Variants in CDC6 observed in about 807,000 individuals in gnomAD.
CDC6 encodes the protein cell division cycle 6, also known as DNA replication factor CDC6.
CDC6 carries 46 observed loss-of-function variants against 60.2 expected under a neutral mutation model. That is an observed-to-expected ratio of 0.76 (90% confidence interval 0.60 to 0.98). The LOEUF (loss-of-function observed/expected upper bound fraction) is 0.98. Among genes scored for constraint, CDC6 ranks in the 50% least tolerant of loss-of-function variants. The pLI, the probability that CDC6 is intolerant of heterozygous loss-of-function variation, is 0.00. For missense variants in CDC6, 596 were observed against 652.9 expected, an observed-to-expected ratio of 0.91 and a Z score of 0.95; for synonymous variants, 210 against 233.2, an observed-to-expected ratio of 0.90 and a Z score of 0.90.
rs67162965 is a variant in CDC6 at position 40,299,138 on chromosome 17, C to CTTT, written c.1250-1664_1250-1662dup. Among the ~76,000 whole-genome samples, 130 of 60,786 alleles carry CTTT rather than the reference C, an allele frequency of 2.1e-3. 20 individuals carry two copies. Among genetic ancestry groups the CTTT allele is most frequent in the African/African-American group, 6.8e-3 (88 of 13,004 alleles). The allele number at this position is 60,786 out of a possible 152,430, so 39.9% of individuals were successfully genotyped here. A position where few individuals can be genotyped will look rare whatever the true frequency, so the allele number is the denominator to read the frequency against. On this transcript the variant is annotated intron_variant, in intron 9 of 11. Coordinates refer to ENST00000209728, the MANE Select transcript of CDC6 (RefSeq NM_001254.4). ...CATCTCCAAACGATAAGGCCATAGT[C>CTTT]TTTTTTTTTTTTTTTTTTTTTTTTT... is the stretch of plus-strand genomic sequence containing the variant.
intron 6 of CDC6, 125 bp downstream of exon 6, chr17:40,294,181 A>G: frequency 1.0e-6 from 1 of 962,504 alleles, no homozygotes; most frequent in Non-Finnish European, 1.7e-6. Context: ...AAGAAAGTTA[A>G]ATGACTATGT....
Position 40,291,618 on chromosome 17 carries a change from C to A in CDC6, c.610C>A (p.Pro204Thr). The A allele has an allele frequency of 1.9e-6, 3 of 1,614,192 alleles. No homozygotes were observed. The highest frequency in any genetic ancestry group is 2.5e-6 in the Non-Finnish European group (3 of 1,180,044). The change falls in exon 4 of 12, where the codon CCT (proline) becomes ACT (threonine). Residue 204 changes from proline to threonine, a missense_variant. By Grantham distance (38) the Pro-to-Thr change is conservative. Transcript: ENST00000209728. Reference protein sequence around the residue: ...KAGSLYLSGAPGTGKTACLSR... With the variant: ...KAGSLYLSGATGTGKTACLSR... The stretch of plus-strand genomic sequence containing the variant: ...TGGAAGCCTTTACCTTTCTGGTGCT[C>A]CTGGAACTGGAAAAACTGCCTGCTT...
rs1467111644 is a variant in CDC6, at chr17:40,287,974, G to C, written c.-130G>C. On this transcript the variant is annotated 5_prime_UTR_variant, in exon 1 of 12. Coordinates refer to ENST00000209728, the MANE Select transcript of CDC6 (RefSeq NM_001254.4). ...GGTGAGTCCGAGAGGCTGCGTGTGA[G>C]AGACGTGAGAAGGATCCTGCACTGA... The C allele has an allele frequency of 6.5e-6, 1 of 153,398 alleles. No homozygotes were observed. The highest frequency in any genetic ancestry group is 1.5e-5 in the Non-Finnish European group (1 of 68,448). The allele number at this position is 153,398 out of a possible 1,614,324, so 9.5% of individuals were successfully genotyped here. A position where few individuals can be genotyped will look rare whatever the true frequency, so the allele number is the denominator to read the frequency against.
At chr17:40,290,955 C>A in intron 2 of CDC6, 103 bp from the exon 3 acceptor site, 2 of 1,215,508 alleles carry the variant, frequency 1.6e-6, no homozygotes, top group Non-Finnish European at 2.4e-6. Flanking sequence ...GTGGTTCTGA[C>A]TAAGGTAGAA....
In CDC6 at chr17:40,300,891, T is replaced by C. The variant is rs2032930468; in HGVS notation, c.1313T>C (p.Ile438Thr). ...GGTCTTATTCACATATCCCAAGTCATCTCAGAAGTTGATGGTAACAGGATG... is the reference window on the plus strand; with the variant it reads ...GGTCTTATTCACATATCCCAAGTCACCTCAGAAGTTGATGGTAACAGGATG... Reference protein sequence around the residue: ...RVGLIHISQVISEVDGNRMTL... With the variant: ...RVGLIHISQVTSEVDGNRMTL... The change falls in exon 10 of 12, where the codon ATC (isoleucine) becomes ACC (threonine). Residue 438 changes from isoleucine (I) to threonine (T), a missense_variant. Physicochemically the swap from Ile to Thr is moderately conservative, Grantham distance 89. Transcript: ENST00000209728. 1 of 1,614,126 alleles carries C rather than the reference T, an allele frequency of 6.2e-7. No individual in the cohort carries two copies. Among genetic ancestry groups the C allele is most frequent in the Non-Finnish European group, 8.5e-7 (1 of 1,179,960 alleles).
chr17:40,291,546 G>C lies in CDC6; in HGVS notation c.538G>C (p.Asp180His), dbSNP rs1052267105. 1 of 1,614,108 alleles carries C rather than the reference G, an allele frequency of 6.2e-7. No homozygotes were observed. The highest frequency in any genetic ancestry group is 1.3e-5 in the African/African-American group (1 of 74,936). ...GCTGCCTGCCAGGGAAAGGGAGATG[G>C]ATGTCATCAGGAATTTCTTGAGGGA... is the stretch of plus-strand genomic sequence containing the variant. ...DRLPAREREM[D>H]VIRNFLREHI... The change falls in exon 4 of 12, where the codon GAT becomes CAT. Residue 180 changes from aspartate to histidine, a missense_variant. Coordinates refer to ENST00000209728, the MANE Select transcript of CDC6 (RefSeq NM_001254.4).
At chr17:40,299,445 G>GTGTGTTGTCCCCACTATGTGGCTA (rs2032907446) in intron 9 of CDC6, among the ~76,000 whole-genome samples, 1 of 151,954 alleles carries the variant, frequency 6.6e-6, no homozygotes, top group African/African-American at 2.4e-5. Context: ...AGGCCCCAGT[G>GTGTGTTGTCCCCACTATGTGGCTA]TGTGTTGTCC....
chr17:40,293,697 C>A, intron 5 of CDC6, 66 bp downstream of exon 5: 1 of 1,271,100 alleles, frequency 7.9e-7, no homozygotes, highest in Non-Finnish European at 1.2e-6. Flanking sequence ...ATAAAAAGTA[C>A]ATTTTGTATA....
rs994428419 is a variant in CDC6, at chr17:40,291,737, G to A, written c.660+69G>A. 37 of 1,408,752 alleles carry A rather than the reference G, an allele frequency of 2.6e-5. No homozygotes were observed. The African/African-American group carries it at 4.9e-4, about 19-fold the overall frequency. The allele number at this position is 1,408,752 out of a possible 1,614,324, so 87.3% of individuals were successfully genotyped here. A position where few individuals can be genotyped will look rare whatever the true frequency, so the allele number is the denominator to read the frequency against. ...CTTGGGTGTTTTTGTTTGTTTGTTT[G>A]TTTTGTTTTGTTTTGTTTTGTTTTT... On this transcript the variant is annotated intron_variant, in intron 4 of 11. Transcript: ENST00000209728.
intron 5 of CDC6, 62 bp from the exon 6 acceptor site, chr17:40,293,888 T>A (rs930441659): frequency 1.5e-6 from 2 of 1,374,086 alleles, no homozygotes; most frequent in Non-Finnish European, 2.1e-6. Context: ...GAAGTCAGCC[T>A]ATATCAAACA....
intron 4 of CDC6, 93 bp from the exon 5 acceptor site, chr17:40,293,363 C>G (rs1452271721): frequency 5.8e-6 from 5 of 866,546 alleles, no homozygotes; most frequent in Non-Finnish European, 9.8e-6. Flanking sequence ...AGCTTCCTTA[C>G]GTGCTGTTAG....
In CDC6 at chr17:40,289,409, T is replaced by C; in HGVS notation, c.-12T>C. On this transcript the variant is annotated splice_region_variant and 5_prime_UTR_variant, in exon 2 of 12. Transcript: ENST00000209728. ...GTCCTCTTATTTTTTTTAATCTAGC[T>C]GTGCTGTCGTCATGCCTCAAACCCG... is the stretch of plus-strand genomic sequence containing the variant. 1 of 1,613,258 alleles carries C rather than the reference T, an allele frequency of 6.2e-7. No homozygotes were observed. The highest frequency in any genetic ancestry group is 1.6e-4 in the Middle Eastern group (1 of 6,062).
At chr17:40,298,485 T>C (rs939288736) in intron 9 of CDC6, among the ~76,000 whole-genome samples, 1 of 151,910 alleles carries the variant, frequency 6.6e-6, no homozygotes, top group Non-Finnish European at 1.5e-5. Context: ...GGTGCGATCA[T>C]GGCTCACTGC....
intron 8 of CDC6, 125 bp from the exon 9 acceptor site, chr17:40,296,578 T>C: frequency 1.4e-6 from 1 of 692,976 alleles, no homozygotes; most frequent in Non-Finnish European, 2.7e-6. Flanking sequence ...CATGTTAGCC[T>C]ACATGACCAT....
chr17:40,300,349 T>C (rs1426384351), intron 9 of CDC6, among the ~76,000 whole-genome samples: 1 of 152,074 alleles, frequency 6.6e-6, no homozygotes, highest in African/African-American at 2.4e-5. Context: ...TACTAGGAAC[T>C]AGCCTGGCAT....
At chr17:40,295,702 T>A (rs1383935518) in intron 8 of CDC6, among the ~76,000 whole-genome samples, 1 of 152,076 alleles carries the variant, frequency 6.6e-6, no homozygotes. Flanking sequence ...CTCCCTGTGG[T>A]GATTATAGAT....
chr17:40,289,256 T>C (rs1362133204), intron 1 of CDC6, 152 bp from the exon 2 acceptor site: 2 of 701,200 alleles, frequency 2.9e-6, no homozygotes, highest in African/African-American at 3.5e-5. Flanking sequence ...CTTGCATAGA[T>C]TTGGATGTGA....
In CDC6 at chr17:40,294,425, A is replaced by G; in HGVS notation, c.1005A>G (p.Lys335=). The G allele has an allele frequency of 6.2e-7, 1 of 1,611,932 alleles. No individual in the cohort carries two copies. Among genetic ancestry groups the G allele is most frequent in the Non-Finnish European group, 8.5e-7 (1 of 1,178,026 alleles). ...RILPRLQARE[K]CKPQLLNFPP... is the part of the protein sequence containing the mutation. ...TACCTAGGCTTCAAGCTAGAGAAAA[A>G]TGTAAGCCACAGCTGTTGAACTTCC... Residue 335 remains lysine, a synonymous_variant, in exon 7 of 12, where the codon AAA becomes AAG. Transcript: ENST00000209728.
At chr17:40,291,019 T>C in intron 2 of CDC6, 39 bp from the exon 3 acceptor site, 2 of 1,604,238 alleles carry the variant, frequency 1.2e-6, no homozygotes, top group Non-Finnish European at 1.7e-6. Flanking sequence ...TACTATCCAA[T>C]GCTATGAGTG....
Sources: allele counts gnomAD v4.1 joint callset (sites outside exome capture counted in the v4.1 genomes callset), GRCh38; gene constraint gnomAD v4.1.1; transcripts MANE v1.5; gene names NCBI Gene and HGNC (gene_info 2026-07-23, HGNC 2026-07-21).